Variants in MED30 observed in about 807,000 individuals in gnomAD.
MED30 encodes the protein mediator of RNA polymerase II transcription subunit 30.
MED30 carries 8 observed loss-of-function variants against 21.7 expected under a neutral mutation model. That is an observed-to-expected ratio of 0.37 (90% confidence interval 0.22 to 0.67). The LOEUF is 0.67. MED30 is among the 30% of genes least tolerant of loss of function. MED30 has a pLI of 0.58. For missense variants in MED30, 203 were observed against 228.2 expected (o/e 0.89, Z 0.71); for synonymous variants, 79 against 86.7 (o/e 0.91, Z 0.49).
intron 3 of MED30, among the ~76,000 whole-genome samples, chr8:117,532,477 GC>G: frequency 6.6e-6 from 1 of 151,918 alleles, no homozygotes; most frequent in Non-Finnish European, 1.5e-5. Context: ...CAGAAAAACA[GC>G]CTTCTTATTG....
intron 3 of MED30, among the ~76,000 whole-genome samples, 173 bp from the exon 4 acceptor site, chr8:117,539,710 C>A (rs1460833519): frequency 6.6e-6 from 1 of 152,172 alleles, no homozygotes; most frequent in Non-Finnish European, 1.5e-5. Flanking sequence ...AATTCAGGAT[C>A]CCTGTCAGCA....
chr8:117,528,356 A>AT (rs1403551225), intron 1 of MED30, among the ~76,000 whole-genome samples: 19 of 151,310 alleles, frequency 1.3e-4, no homozygotes, highest in Admixed American at 1.3e-3. Flanking sequence ...AAAATTGTAA[A>AT]TTTTTTTTTA....
Position 117,530,768 on chromosome 8 carries a change from C to T in MED30, c.382C>T (p.Arg128Trp), listed in dbSNP as rs533689326. 5.1e-5 allele frequency: 82 copies of T among 1,612,138 alleles called. No individual in the cohort carries two copies. The highest frequency in any genetic ancestry group is 1.1e-4 in the South Asian group (10 of 90,922). The change falls in exon 3 of 4, where the codon CGG (arginine) becomes TGG (tryptophan). Residue 128 changes from arginine to tryptophan, a missense_variant. Coordinates refer to ENST00000297347, the MANE Select transcript of MED30 (RefSeq NM_080651.4). ...VEEDGSKNDD[R>W]AGPPRFASEE... ...AGAAGATGGCTCAAAGAATGATGAT[C>T]GGGCTGGCCCACCTCGTTTTGCTAG...
rs755220827 is a variant in MED30, at chr8:117,536,274, A to G, written c.442-3609A>G. 1.4e-4 allele frequency among the ~76,000 whole-genome samples: 22 copies of G among 152,326 alleles called. No homozygotes were observed. The East Asian group carries it at 3.7e-3, about 25-fold the overall frequency. ...CATGTTTTGATGAATATTTACAGAAACAAAAGTATTGTGCCATATTTTTAA... is the reference window on the plus strand; with the variant it reads ...CATGTTTTGATGAATATTTACAGAAGCAAAAGTATTGTGCCATATTTTTAA... On this transcript the variant is annotated intron_variant, in intron 3 of 3. Transcript: ENST00000297347.
At chr8:117,526,130 T>C (rs1383720540) in intron 1 of MED30, among the ~76,000 whole-genome samples, 2 of 152,068 alleles carry the variant, frequency 1.3e-5, no homozygotes, top group African/African-American at 4.8e-5. Flanking sequence ...GGGGTCTTCT[T>C]TTCCCATGTT....
intron 1 of MED30, among the ~76,000 whole-genome samples, chr8:117,526,986 T>C (rs930920854): frequency 7.9e-5 from 12 of 152,014 alleles, no homozygotes; most frequent in Non-Finnish European, 1.8e-4. Context: ...TAATTCACAC[T>C]GTACTTTAAA....
At chr8:117,539,845 T>C (rs767383195) in intron 3 of MED30, 38 bp from the exon 4 acceptor site, 1 of 1,242,322 alleles carries the variant, frequency 8.0e-7, no homozygotes, top group South Asian at 1.3e-5. Context: ...GGTCTATATT[T>C]CCTGAAACAT....
chr8:117,533,812 T>C (rs1818826344), intron 3 of MED30, among the ~76,000 whole-genome samples: 1 of 152,200 alleles, frequency 6.6e-6, no homozygotes, highest in Middle Eastern at 3.2e-3. Flanking sequence ...TCTGGGGCTT[T>C]CCTTCACCTC....
chr8:117,527,504 A>G (rs1818734574), intron 1 of MED30, among the ~76,000 whole-genome samples: 1 of 151,886 alleles, frequency 6.6e-6, no homozygotes, highest in Non-Finnish European at 1.5e-5. Context: ...ATTCAAGCCT[A>G]TTTATCTTAC....
intron 3 of MED30, among the ~76,000 whole-genome samples, chr8:117,535,995 T>C (rs1200631857): frequency 6.6e-6 from 1 of 152,212 alleles, no homozygotes; most frequent in Non-Finnish European, 1.5e-5. Flanking sequence ...TTGCTTATTT[T>C]TTTTCCATTC....
chr8:117,529,509 A>T (rs1283953207), intron 2 of MED30, among the ~76,000 whole-genome samples: 1 of 151,998 alleles, frequency 6.6e-6, no homozygotes, highest in Non-Finnish European at 1.5e-5. Context: ...TGTCCAGTAG[A>T]TTTTGCTAGA....
At chr8:117,538,108 A>G (rs1792738215) in intron 3 of MED30, among the ~76,000 whole-genome samples, 1 of 152,170 alleles carries the variant, frequency 6.6e-6, no homozygotes, top group Non-Finnish European at 1.5e-5. Context: ...ATTTGAATCA[A>G]TTTTGTTAGA....
rs548738911 is a variant in MED30, at chr8:117,526,732, A to T, written c.178-1919A>T. ...TATCCTAGCTTCTAGAACAGTGCTG[A>T]CACATGAAACGTGTGTGGTATTTTT... On this transcript the variant is annotated intron_variant, in intron 1 of 3. Coordinates refer to ENST00000297347, the MANE Select transcript of MED30 (RefSeq NM_080651.4). Among the ~76,000 whole-genome samples, 9 of 152,134 alleles carry T rather than the reference A, an allele frequency of 5.9e-5. No individual in the cohort carries two copies. The South Asian group carries it at 1.2e-3, about 21-fold the overall frequency.
At chr8:117,536,002 A>G (rs1818873355) in intron 3 of MED30, among the ~76,000 whole-genome samples, 2 of 151,632 alleles carry the variant, frequency 1.3e-5, no homozygotes, top group Admixed American at 1.3e-4. Flanking sequence ...TTTTTTTTCC[A>G]TTCTTGTAGG....
chr8:117,523,266 C>T, intron 1 of MED30: 1 of 1,059,186 alleles, frequency 9.4e-7, no homozygotes. Context: ...TCCAATTTTA[C>T]TGAGGTGGCT....
chr8:117,524,846 A>C (rs1240296726), intron 1 of MED30, among the ~76,000 whole-genome samples: 1 of 152,158 alleles, frequency 6.6e-6, no homozygotes, highest in Non-Finnish European at 1.5e-5. Flanking sequence ...AGTATATTAT[A>C]CACAACCATT....
intron 1 of MED30, chr8:117,523,371 A>C: frequency 6.5e-7 from 1 of 1,540,672 alleles, no homozygotes. Flanking sequence ...GGGGCACAGC[A>C]CTCCGTCTGT....
rs755562472 is a variant in MED30 at position 117,520,985 on chromosome 8, G to A, written c.109G>A (p.Gly37Arg). 1.7e-5 allele frequency: 27 copies of A among 1,613,028 alleles called. No individual in the cohort carries two copies. Among genetic ancestry groups the A allele is most frequent in the Non-Finnish European group, 1.7e-6 (2 of 1,179,518 alleles). ...CAACACGGCGTCGCTGTGCCGCATC[G>A]GGCAGGAGACAGTGCAGGACATCGT... Reference protein sequence around the residue: ...EVNTASLCRIGQETVQDIVYR... With the variant: ...EVNTASLCRIRQETVQDIVYR... Residue 37 changes from glycine (G) to arginine (R), a missense_variant, in exon 1 of 4, where the codon GGG becomes AGG. Gly to Arg is a moderately radical substitution (Grantham distance 125). Transcript: ENST00000297347.
At chr8:117,529,757 G>T (rs2130813976) in intron 2 of MED30, among the ~76,000 whole-genome samples, 1 of 152,010 alleles carries the variant, frequency 6.6e-6, no homozygotes, top group South Asian at 2.1e-4. Flanking sequence ...ATAGGAACAT[G>T]TTTGAATAAT....
Sources: gnomAD v4.1 joint callset for allele counts (sites outside exome capture counted in the v4.1 genomes callset) on GRCh38, gnomAD v4.1.1 for gene constraint, MANE v1.5 for transcripts, NCBI Gene and HGNC (gene_info 2026-07-23, HGNC 2026-07-21) for gene names.